Variants in RALGAPB observed in about 807,000 individuals in gnomAD.
The protein encoded by RALGAPB is Ral GTPase activating protein non-catalytic subunit beta.
A neutral mutation model predicts 161.1 loss-of-function variants in RALGAPB; 25 were observed. That is an observed-to-expected ratio of 0.16 (90% confidence interval 0.11 to 0.22). The LOEUF (loss-of-function observed/expected upper bound fraction) is 0.22. Among genes scored for constraint, RALGAPB ranks in the 10% least tolerant of loss-of-function variants. The pLI, the probability that RALGAPB is intolerant of heterozygous loss-of-function variation, is 1.00. For synonymous variants in RALGAPB, 629 were observed against 626.1 expected, an observed-to-expected ratio of 1.00 and a Z score of -0.07; for missense variants, 1,391 against 1,815.2, an observed-to-expected ratio of 0.77 and a Z score of 4.25.
intron 12 of RALGAPB, among the ~76,000 whole-genome samples, 163 bp from the exon 13 acceptor site, chr20:38,525,732 A>T (rs1457645784): frequency 3.3e-5 from 5 of 152,024 alleles, no homozygotes; most frequent in Non-Finnish European, 7.4e-5. Context: ...TTATAGGCTA[A>T]GGACATCTAT....
chr20:38,494,348 G>T (rs1167932240), intron 3 of RALGAPB, among the ~76,000 whole-genome samples: 2 of 152,182 alleles, frequency 1.3e-5, no homozygotes, highest in African/African-American at 4.8e-5. Context: ...AACAGGAAAT[G>T]GGCCGGGTGC....
chr20:38,518,519 T>G (rs1694006315), intron 9 of RALGAPB, among the ~76,000 whole-genome samples: 1 of 152,320 alleles, frequency 6.6e-6, no homozygotes, highest in Admixed American at 6.5e-5. Context: ...TTTAACTTAA[T>G]AAAATTGATT....
At position 38,546,304 on chromosome 20, in the gene RALGAPB, G is replaced by A; in HGVS notation, c.2776G>A (p.Val926Met). Residue 926 changes from valine to methionine, a missense_variant, in exon 19 of 30, where the codon GTG becomes ATG. By Grantham distance (21) the Val-to-Met change is conservative. Coordinates refer to ENST00000262879, the MANE Select transcript of RALGAPB (RefSeq NM_020336.4). Reference sequence around the variant, plus strand: ...TGGTCCTGCCTCTCCTTGTAGTCTTGTGAATGAGACCACTTTGATTAAATA... The same window carrying A: ...TGGTCCTGCCTCTCCTTGTAGTCTTATGAATGAGACCACTTTGATTAAATA... ...PSGPASPCSL[V>M]NETTLIKYSR... The A allele has an allele frequency of 6.2e-7, 1 of 1,614,112 alleles. No individual in the cohort carries two copies. Among genetic ancestry groups the A allele is most frequent in the South Asian group, 1.1e-5 (1 of 91,084 alleles).
At chr20:38,570,937 G>A in intron 28 of RALGAPB, 90 bp downstream of exon 28, 1 of 851,212 alleles carries the variant, frequency 1.2e-6, no homozygotes, top group Non-Finnish European at 1.9e-6. Flanking sequence ...AAACGAAAGA[G>A]TTGTAGACAA....
At chr20:38,515,717 CTTTTTCTT>C (rs151170103) in intron 6 of RALGAPB, among the ~76,000 whole-genome samples, 6,829 of 151,662 alleles carry the variant, frequency 0.045, 219 homozygotes, top group African/African-American at 0.092. Flanking sequence ...CATTCCATTG[CTTTTTCTT>C]TTTTTCTTTT....
intron 10 of RALGAPB, among the ~76,000 whole-genome samples, chr20:38,522,068 C>A (rs2086306195): frequency 6.6e-6 from 1 of 152,216 alleles, no homozygotes; most frequent in South Asian, 2.1e-4. Context: ...AAGCCCCAAA[C>A]AAAGCCGTGT....
At chr20:38,553,398 C>T (rs137948830) in intron 21 of RALGAPB, among the ~76,000 whole-genome samples, 26 of 152,174 alleles carry the variant, frequency 1.7e-4, no homozygotes, top group African/African-American at 6.0e-4. Flanking sequence ...GATCTGCAAG[C>T]GAGGGGTGAG....
rs1250975174 is a variant in RALGAPB, at chr20:38,578,806, A to G, written c.*3839A>G. ...CCTTTGTCCAGAAGAAGCCCATGGA[A>G]TATTGAATGTAATACATTTAGTCAA... On this transcript the variant is annotated 3_prime_UTR_variant, in exon 30 of 30. Coordinates refer to ENST00000262879, the MANE Select transcript of RALGAPB (RefSeq NM_020336.4). 1 of 152,620 alleles carries G rather than the reference A, an allele frequency of 6.6e-6. No individual in the cohort carries two copies. Among genetic ancestry groups the G allele is most frequent in the Non-Finnish European group, 1.5e-5 (1 of 68,038 alleles). The allele number at this position is 152,620 out of a possible 1,614,324, so 9.5% of individuals were successfully genotyped here. A position where few individuals can be genotyped will look rare whatever the true frequency, so the allele number is the denominator to read the frequency against.
intron 7 of RALGAPB, chr20:38,516,592 TTAAAAG>T (rs1270709564): frequency 6.4e-6 from 3 of 470,314 alleles, no homozygotes; most frequent in African/African-American, 4.0e-5. Context: ...GTTTTTGCCA[TTAAAAG>T]TAATGCGGCC....
chr20:38,574,019 CTT>C, intron 28 of RALGAPB, 129 bp from the exon 29 acceptor site: 1 of 894,264 alleles, frequency 1.1e-6, no homozygotes, highest in South Asian at 2.3e-5. Context: ...GACCCCTTGG[CTT>C]TTCTCAGACC....
intron 10 of RALGAPB, 82 bp from the exon 11 acceptor site, chr20:38,524,696 T>C (rs2086405292): frequency 9.3e-7 from 1 of 1,077,960 alleles, no homozygotes; most frequent in African/African-American, 1.6e-5. Flanking sequence ...GGAAATAGAC[T>C]TTCAGTTAAC....
At chr20:38,545,658 C>T (rs1378334668) in intron 18 of RALGAPB, among the ~76,000 whole-genome samples, 2 of 152,212 alleles carry the variant, frequency 1.3e-5, no homozygotes, top group African/African-American at 2.4e-5. Flanking sequence ...TTCCTCTCCT[C>T]CTAAAACGAA....
intron 9 of RALGAPB, 65 bp from the exon 10 acceptor site, chr20:38,521,432 C>A: frequency 6.3e-7 from 1 of 1,596,192 alleles, no homozygotes; most frequent in Non-Finnish European, 8.5e-7. Flanking sequence ...ATCTTTGTGT[C>A]CAGGGTCCCA....
In RALGAPB at chr20:38,535,150, G is replaced by T. The variant is rs1200532490; in HGVS notation, c.2322G>T (p.Trp774Cys). The change falls in exon 16 of 30, where the codon TGG becomes TGT. Residue 774 changes from tryptophan (W) to cysteine (C), a missense_variant. Around this residue, in one of 3 missense-constraint regions of RALGAPB, gnomAD observed 946 missense variants for 1,257.2 expected, o/e 0.75. Transcript: ENST00000262879. The part of the protein sequence containing the change: ...HLVTQRLNSQ[W>C]RQDMSISLAA... ...TCACCCAAAGACTCAACTCCCAGTG[G>T]CGCCAAGACATGAGCATATCACTGG... The T allele has an allele frequency of 6.2e-7, 1 of 1,614,012 alleles. No homozygotes were observed. The highest frequency in any genetic ancestry group is 1.3e-5 in the African/African-American group (1 of 74,930).
chr20:38,535,098 GGCT>G lies in RALGAPB; in HGVS notation c.2271_2273del (p.Leu759del). ...GCTCTTAATACAGATTCAGCTGCTG[GGCT>G]CCTGATTCGCAGCATTCATCTCGTC... On this transcript the variant is annotated inframe_deletion, in exon 16 of 30. Transcript: ENST00000262879. 1 of 1,614,016 alleles carries G rather than the reference GGCT, an allele frequency of 6.2e-7. No individual in the cohort carries two copies. Among genetic ancestry groups the G allele is most frequent in the Non-Finnish European group, 8.5e-7 (1 of 1,179,888 alleles).
At chr20:38,498,055 G>T (rs1035225053) in intron 4 of RALGAPB, among the ~76,000 whole-genome samples, 22 of 128,582 alleles carry the variant, frequency 1.7e-4, no homozygotes, top group African/African-American at 5.6e-4. Context: ...GGCGACAAGA[G>T]CAAGACTCTG....
Position 38,535,166 on chromosome 20 carries a change from A to G in RALGAPB, c.2338A>G (p.Ile780Val). Residue 780 changes from isoleucine (I) to valine (V), a missense_variant, in exon 16 of 30, where the codon ATA becomes GTA. This residue lies in a region of RALGAPB where 946 missense variants were observed against 1,257.2 expected (regional missense o/e 0.75). Coordinates refer to ENST00000262879, the MANE Select transcript of RALGAPB (RefSeq NM_020336.4). ...CTCCCAGTGGCGCCAAGACATGAGC[A>G]TATCACTGGCAGCTCTAGAGCTCCT... ...LNSQWRQDMS[I>V]SLAALELLSG... 15 of 1,614,202 alleles carry G rather than the reference A, an allele frequency of 9.3e-6. No homozygotes were observed. Among genetic ancestry groups the G allele is most frequent in the Non-Finnish European group, 1.3e-5 (15 of 1,180,014 alleles).
intron 6 of RALGAPB, among the ~76,000 whole-genome samples, chr20:38,510,131 T>TAC (rs34759480): frequency 0.05 from 7,311 of 146,216 alleles, 210 homozygotes; most frequent in Non-Finnish European, 0.064. Context: ...CACACGCACA[T>TAC]ACACACACAC....
chr20:38,512,671 A>G (rs2085995939), intron 6 of RALGAPB, among the ~76,000 whole-genome samples: 1 of 152,198 alleles, frequency 6.6e-6, no homozygotes, highest in Non-Finnish European at 1.5e-5. Flanking sequence ...CCTCTGATAT[A>G]TGGAATTTTG....
Sources: allele counts gnomAD v4.1 joint callset (sites outside exome capture counted in the v4.1 genomes callset), GRCh38; gene constraint gnomAD v4.1.1; regional missense constraint gnomAD v4.1.1; transcripts MANE v1.5; gene names NCBI Gene and HGNC (gene_info 2026-07-23, HGNC 2026-07-21).